Variants in MBD5 observed in about 807,000 individuals in gnomAD.
MBD5 encodes the protein methyl-CpG-binding domain protein 5.
MBD5 carries 13 observed loss-of-function variants against 117.3 expected under a neutral mutation model. That is an observed-to-expected ratio of 0.11 (90% CI 0.07 to 0.18). The LOEUF is 0.18. MBD5 is among the 10% of genes least tolerant of loss of function. MBD5 has a pLI of 1.00. For missense variants in MBD5, 1,879 were observed against 2,093.8 expected (o/e 0.90, Z 2.00); for synonymous variants, 727 against 766.4 (o/e 0.95, Z 0.85).
intron 1 of MBD5, among the ~76,000 whole-genome samples, chr2:148,138,918 C>G (rs58913962): frequency 6.6e-6 from 1 of 152,146 alleles, no homozygotes; most frequent in South Asian, 2.1e-4. Context: ...GGCAACAGTT[C>G]AAATATATTT....
chr2:148,339,662 A>G (rs1702886726), intron 3 of MBD5, among the ~76,000 whole-genome samples: 1 of 152,080 alleles, frequency 6.6e-6, no homozygotes, highest in Non-Finnish European at 1.5e-5. Context: ...AGCAGGGACA[A>G]ATATCCTAGT....
chr2:148,326,019 G>T (rs1262354647), intron 3 of MBD5, among the ~76,000 whole-genome samples: 1 of 152,106 alleles, frequency 6.6e-6, no homozygotes, highest in African/African-American at 2.4e-5. Flanking sequence ...GTGTCCCAGA[G>T]ATTCTGGTAT....
chr2:148,280,718 C>T (rs1056233062), intron 3 of MBD5, among the ~76,000 whole-genome samples: 1 of 152,192 alleles, frequency 6.6e-6, no homozygotes, highest in Non-Finnish European at 1.5e-5. Context: ...GCATGAGCCA[C>T]CATGCCTGGC....
rs1459065101 is a variant in MBD5 at position 148,490,022 on chromosome 2, C to T, written c.4390C>T (p.Pro1464Ser). ...HIHSSPCHERPNNVSTLPFLP... is the reference protein window; with the variant it reads ...HIHSSPCHERSNNVSTLPFLP... ...CCACAGTAGTCCTTGTCATGAAAGG[C>T]CCAACAATGTCTCTACACTGCCATT... The change falls in exon 11 of 14, where the codon CCC becomes TCC. Residue 1464 changes from proline to serine, a missense_variant. Pro to Ser is a moderately conservative substitution (Grantham distance 74). This residue lies in a region of MBD5 where 1,666 missense variants were observed against 1,792.2 expected (regional missense o/e 0.93). Transcript: ENST00000642680. 6 of 1,613,844 alleles carry T rather than the reference C, an allele frequency of 3.7e-6. No homozygotes were observed. Among genetic ancestry groups the T allele is most frequent in the Non-Finnish European group, 5.1e-6 (6 of 1,179,970 alleles).
chr2:148,454,116 T>A (rs896316724), intron 4 of MBD5, among the ~76,000 whole-genome samples: 5 of 152,040 alleles, frequency 3.3e-5, no homozygotes, highest in African/African-American at 1.2e-4. Context: ...CAAAATTATA[T>A]CCAACAATTA....
intron 1 of MBD5, chr2:148,056,071 G>A (rs1018193328): frequency 2.6e-5 from 4 of 152,000 alleles, no homozygotes; most frequent in South Asian, 2.1e-4. Flanking sequence ...CTACTTTAAC[G>A]TCTCTCAAAG....
chr2:148,414,405 G>C (rs1171492601), intron 4 of MBD5, among the ~76,000 whole-genome samples: 1 of 152,166 alleles, frequency 6.6e-6, no homozygotes, highest in African/African-American at 2.4e-5. Flanking sequence ...TTTAGAGTTT[G>C]TGCCATGTGC....
chr2:148,486,990 A>C (rs2105102691), intron 10 of MBD5, among the ~76,000 whole-genome samples: 1 of 152,352 alleles, frequency 6.6e-6, no homozygotes, highest in African/African-American at 2.4e-5. Flanking sequence ...GCACATATCA[A>C]AATGTTCAGT....
intron 1 of MBD5, among the ~76,000 whole-genome samples, chr2:148,085,521 G>C (rs1004529624): frequency 3.3e-5 from 5 of 151,842 alleles, no homozygotes; most frequent in South Asian, 2.1e-4. Flanking sequence ...TCAGGAGATC[G>C]AGACCATCCC....
chr2:148,388,812 A>T (rs1419860676), intron 4 of MBD5, among the ~76,000 whole-genome samples: 2 of 152,052 alleles, frequency 1.3e-5, no homozygotes, highest in African/African-American at 4.8e-5. Flanking sequence ...CACCATTATG[A>T]CCTCATTTTT....
At chr2:148,033,612 T>G (rs553526864) in intron 1 of MBD5, among the ~76,000 whole-genome samples, 80 of 152,250 alleles carry the variant, frequency 5.3e-4, no homozygotes, top group Non-Finnish European at 6.3e-4. Flanking sequence ...TTAAGCAACT[T>G]TTATTAAGAA....
intron 1 of MBD5, among the ~76,000 whole-genome samples, chr2:148,033,974 C>G (rs535664143): frequency 6.6e-6 from 1 of 152,224 alleles, no homozygotes; most frequent in African/African-American, 2.4e-5. Flanking sequence ...CAACAGTGTT[C>G]GGAAAGCTTA....
At chr2:148,272,473 A>G (rs938086906) in intron 3 of MBD5, among the ~76,000 whole-genome samples, 4 of 152,136 alleles carry the variant, frequency 2.6e-5, no homozygotes, top group East Asian at 1.9e-4. Flanking sequence ...CGTAATAGCT[A>G]TTCTAACAAG....
intron 4 of MBD5, among the ~76,000 whole-genome samples, chr2:148,450,033 T>G (rs1220765190): frequency 1.3e-5 from 2 of 152,086 alleles, no homozygotes; most frequent in Admixed American, 6.6e-5. Context: ...AAGATTATAA[T>G]TATATGTATA....
intron 2 of MBD5, among the ~76,000 whole-genome samples, chr2:148,189,473 G>A (rs1173441099): frequency 1.5e-5 from 2 of 130,208 alleles, no homozygotes; most frequent in Non-Finnish European, 3.3e-5. Flanking sequence ...GCCTAACTGG[G>A]AGGCACCCCC....
At position 148,489,562 on chromosome 2, in the gene MBD5, G is replaced by T. The variant is rs776127313; in HGVS notation, c.3930G>T (p.Val1310=). Residue 1310 remains valine, a synonymous_variant, in exon 11 of 14, where the codon GTG becomes GTT. Transcript: ENST00000642680. Reference sequence around the variant, plus strand: ...AACAGGTGAAGGATGGCCTCGTTGTGGGTGGCCCAGGTGATGCTTCCGTAG... The same window carrying T: ...AACAGGTGAAGGATGGCCTCGTTGTTGGTGGCCCAGGTGATGCTTCCGTAG... ...LGQQVKDGLV[V]GGPGDASVDA... is the part of the protein sequence containing the mutation. The T allele has an allele frequency of 1.2e-5, 20 of 1,614,048 alleles. No individual in the cohort carries two copies. The highest frequency in any genetic ancestry group is 1.7e-5 in the Non-Finnish European group (20 of 1,180,036).
chr2:148,159,727 C>T (rs562037237), intron 1 of MBD5, among the ~76,000 whole-genome samples: 2 of 152,256 alleles, frequency 1.3e-5, no homozygotes, highest in South Asian at 2.1e-4. Context: ...ATGCCTCTTC[C>T]GTGACAATTC....
chr2:148,028,320 C>G (rs1042146400), intron 1 of MBD5: 2 of 151,964 alleles, frequency 1.3e-5, no homozygotes, highest in African/African-American at 4.8e-5. Context: ...GCTAACCAAT[C>G]AAGATTCTAG....
chr2:148,034,857 C>T (rs1694144975), intron 1 of MBD5, among the ~76,000 whole-genome samples: 2 of 152,168 alleles, frequency 1.3e-5, no homozygotes, highest in Admixed American at 1.3e-4. Flanking sequence ...CTATTACTCA[C>T]AGATGACCAA....
Sources: allele counts gnomAD v4.1 joint callset (sites outside exome capture counted in the v4.1 genomes callset), GRCh38; gene constraint gnomAD v4.1.1; regional missense constraint gnomAD v4.1.1; transcripts MANE v1.5; gene names NCBI Gene and HGNC (gene_info 2026-07-23, HGNC 2026-07-21).